CHRM3: variants seen among roughly 807,000 people sequenced by gnomAD.
CHRM3 encodes the protein cholinergic receptor muscarinic 3.
Under a neutral mutation model 41.8 loss-of-function variants are expected in CHRM3, and 11 were observed. The ratio of observed to expected loss-of-function variants is 0.26; its 90% confidence interval spans 0.17 to 0.44. The LOEUF is 0.44. CHRM3 is among the 20% of genes least tolerant of loss of function. The pLI, the probability that CHRM3 is intolerant of heterozygous loss-of-function variation, is 1.00. For synonymous variants in CHRM3, 297 were observed against 301.4 expected, an observed-to-expected ratio of 0.99 and a Z score of 0.15; for missense variants, 571 against 745.4, an observed-to-expected ratio of 0.77 and a Z score of 2.72.
intron 6 of CHRM3, among the ~76,000 whole-genome samples, chr1:239,842,803 A>T (rs1481634814): frequency 1.3e-5 from 2 of 152,130 alleles, no homozygotes; most frequent in Admixed American, 6.5e-5. Context: ...AAAAAATGTT[A>T]AAATGATGTG....
At chr1:239,699,707 C>T (rs1010820290) in intron 5 of CHRM3, among the ~76,000 whole-genome samples, 10 of 152,124 alleles carry the variant, frequency 6.6e-5, no homozygotes, top group African/African-American at 2.2e-4. Context: ...TTCCACATTA[C>T]TTCCTTTGTA....
At chr1:239,400,506 T>C (rs1287385865) in intron 1 of CHRM3, among the ~76,000 whole-genome samples, 1 of 152,210 alleles carries the variant, frequency 6.6e-6, no homozygotes, top group African/African-American at 2.4e-5. Context: ...GATTTTGAGA[T>C]CTTACCCAAA....
intron 1 of CHRM3, among the ~76,000 whole-genome samples, chr1:239,466,136 GGC>G (rs1665712019): frequency 6.6e-6 from 1 of 152,074 alleles, no homozygotes; most frequent in Non-Finnish European, 1.5e-5. Flanking sequence ...TGGGATTACA[GGC>G]GCCCGCCACC....
intron 6 of CHRM3, among the ~76,000 whole-genome samples, chr1:239,840,858 C>T (rs1673739822): frequency 6.6e-6 from 1 of 152,124 alleles, no homozygotes; most frequent in Non-Finnish European, 1.5e-5. Flanking sequence ...AAATTGAGTA[C>T]CGTCACTGTT....
chr1:239,692,317 T>C (rs1323305389), intron 5 of CHRM3, among the ~76,000 whole-genome samples: 2 of 152,126 alleles, frequency 1.3e-5, no homozygotes, highest in Non-Finnish European at 1.5e-5. Flanking sequence ...AATCAACACA[T>C]TGGAGTTTAA....
At chr1:239,821,235 G>A (rs527809532) in intron 5 of CHRM3, among the ~76,000 whole-genome samples, 2 of 152,286 alleles carry the variant, frequency 1.3e-5, no homozygotes, top group East Asian at 1.9e-4. Context: ...CAACACTTTC[G>A]ATGAAGCTAT....
chr1:239,469,441 G>C (rs1000615590), intron 1 of CHRM3, among the ~76,000 whole-genome samples: 2 of 152,148 alleles, frequency 1.3e-5, no homozygotes, highest in African/African-American at 4.8e-5. Flanking sequence ...GCACGTTTGA[G>C]GAACAAACTT....
chr1:239,459,540 A>G (rs1241971721), intron 1 of CHRM3, among the ~76,000 whole-genome samples: 1 of 152,204 alleles, frequency 6.6e-6, no homozygotes, highest in Non-Finnish European at 1.5e-5. Flanking sequence ...TTATAAGTAT[A>G]AAAGTGAGTT....
At chr1:239,883,573 G>A (rs977857581) in intron 6 of CHRM3, among the ~76,000 whole-genome samples, 3 of 152,134 alleles carry the variant, frequency 2.0e-5, no homozygotes, top group Non-Finnish European at 2.9e-5. Flanking sequence ...CCCACACTTA[G>A]GTACTCTTAT....
At position 239,659,160 on chromosome 1, in the gene CHRM3, C is replaced by T. The variant is rs548332253; in HGVS notation, c.-249-19026C>T. Among the ~76,000 whole-genome samples the T allele has an allele frequency of 1.8e-4, 28 of 152,280 alleles. No homozygotes were observed. The South Asian group carries it at 5.6e-3, about 30-fold the overall frequency. On this transcript the variant is annotated intron_variant, in intron 4 of 6. Transcript: ENST00000676153. Reference sequence around the variant, plus strand: ...CAGGTATGAGTTCCAACAACTTCTGCTTTATGTTCTCTTTCTATACGTGTT... The same window carrying T: ...CAGGTATGAGTTCCAACAACTTCTGTTTTATGTTCTCTTTCTATACGTGTT...
intron 6 of CHRM3, among the ~76,000 whole-genome samples, chr1:239,897,124 T>C (rs1188316877): frequency 6.6e-6 from 1 of 152,190 alleles, no homozygotes; most frequent in East Asian, 1.9e-4. Flanking sequence ...TTCCTGGCCC[T>C]GCATGCTATG....
chr1:239,894,477 G>A (rs367567817), intron 6 of CHRM3, among the ~76,000 whole-genome samples: 1 of 152,030 alleles, frequency 6.6e-6, no homozygotes, highest in East Asian at 1.9e-4. Flanking sequence ...CTGTCATTCA[G>A]GTTGGAGTGC....
At chr1:239,874,321 A>ATATATATATATC (rs1676926650) in intron 6 of CHRM3, among the ~76,000 whole-genome samples, 5 of 103,782 alleles carry the variant, frequency 4.8e-5, no homozygotes, top group South Asian at 3.3e-4. Flanking sequence ...ATATATATAT[A>ATATATATATATC]TATATACACA....
At chr1:239,658,080 ATCT>A (rs1558426773) in intron 4 of CHRM3, among the ~76,000 whole-genome samples, 1 of 152,184 alleles carries the variant, frequency 6.6e-6, no homozygotes. Context: ...TAATGGTTCT[ATCT>A]CTCAAAGAAA....
chr1:239,515,408 T>G (rs1190933470), intron 2 of CHRM3, among the ~76,000 whole-genome samples: 7 of 140,478 alleles, frequency 5.0e-5, no homozygotes, highest in Non-Finnish European at 9.7e-5. Flanking sequence ...CACATGTTTT[T>G]TTTGTTTTTT....
intron 1 of CHRM3, among the ~76,000 whole-genome samples, chr1:239,476,233 A>G (rs1178282265): frequency 3.9e-5 from 6 of 152,190 alleles, no homozygotes; most frequent in African/African-American, 7.2e-5. Context: ...TGGGAGGCCG[A>G]GGCAGGCAGA....
chr1:239,907,610 C>T lies in CHRM3; in HGVS notation c.159C>T (p.Asp53=), dbSNP rs149077005. 283 of 1,614,160 alleles carry T rather than the reference C, an allele frequency of 1.8e-4. No individual in the cohort carries two copies. The African/African-American group carries it at 1.9e-3, about 11-fold the overall frequency. ...CAGCTGGCAATTTCTCCTCTCCAGA[C>T]GGTACCACCGATGACCCTCTGGGAG... ...SRAAGNFSSP[D]GTTDDPLGGH... Residue 53 remains aspartate (D), a synonymous_variant, in exon 7 of 7, where the codon GAC becomes GAT. Transcript: ENST00000676153. This position sits in a 1 kb window ranked among gnomAD's most constrained non-coding sequence, Gnocchi z 5.4.
chr1:239,602,334 A>C (rs12047729), intron 3 of CHRM3, among the ~76,000 whole-genome samples: 1 of 151,940 alleles, frequency 6.6e-6, no homozygotes, highest in Admixed American at 6.6e-5. Flanking sequence ...TCCATTTAAG[A>C]TTATGAATTT....
chr1:239,473,656 TAA>T (rs1666281344), intron 1 of CHRM3, among the ~76,000 whole-genome samples: 1 of 152,066 alleles, frequency 6.6e-6, no homozygotes, highest in Admixed American at 6.6e-5. Context: ...AGAAGATAGG[TAA>T]ACTGTGGCGC....
Sources: gnomAD v4.1 joint callset for allele counts (sites outside exome capture counted in the v4.1 genomes callset) on GRCh38, gnomAD v4.1.1 for gene constraint, Gnocchi (gnomAD v3.1) non-coding constraint, MANE v1.5 for transcripts, NCBI Gene and HGNC (gene_info 2026-07-23, HGNC 2026-07-21) for gene names.